RIC1: variants seen among roughly 807,000 people sequenced by gnomAD.
RIC1 encodes RIC1 partner of RAB6A GEF complex.
A neutral mutation model predicts 169.0 loss-of-function variants in RIC1; 88 were observed. The ratio of observed to expected loss-of-function variants is 0.52; its 90% CI spans 0.44 to 0.62. The LOEUF is 0.62. Ranked by LOEUF, RIC1 falls within the 20% of genes least tolerant of loss-of-function variation. The pLI, the probability that RIC1 is intolerant of heterozygous loss-of-function variation, is 0.00. For missense variants in RIC1, 1,877 were observed against 1,725.5 expected, an observed-to-expected ratio of 1.09 and a Z score of -1.56; for synonymous variants, 790 against 601.5, an observed-to-expected ratio of 1.31 and a Z score of -4.59.
At chr9:5,687,801 A>T (rs1183248383) in intron 2 of RIC1, among the ~76,000 whole-genome samples, 2 of 152,196 alleles carry the variant, frequency 1.3e-5, no homozygotes, top group East Asian at 3.8e-4. Flanking sequence ...GAATTTAATT[A>T]AATATTTTTT....
intron 2 of RIC1, among the ~76,000 whole-genome samples, chr9:5,677,373 A>T (rs1335260836): frequency 6.6e-6 from 1 of 151,926 alleles, no homozygotes; most frequent in Non-Finnish European, 1.5e-5. Flanking sequence ...TTTAGATGGG[A>T]TCCTTGATTT....
intron 2 of RIC1, among the ~76,000 whole-genome samples, chr9:5,675,011 C>T (rs1432336473): frequency 6.6e-6 from 1 of 152,140 alleles, no homozygotes; most frequent in Non-Finnish European, 1.5e-5. Context: ...TAATTCTCAG[C>T]AAGGCAGTGT....
intron 2 of RIC1, among the ~76,000 whole-genome samples, chr9:5,687,704 C>T (rs1021911546): frequency 2.6e-5 from 4 of 152,078 alleles, no homozygotes; most frequent in Non-Finnish European, 5.9e-5. Flanking sequence ...TTTTTACACA[C>T]GGTATAAACC....
rs975502763 is a variant in RIC1, at chr9:5,776,454, G to C, written c.*2208G>C. ...GCTGAAACCAAAACAAGTCATTGGG[G>C]GTGTGGGAATAAAATCAACCTTTGC... On this transcript the variant is annotated 3_prime_UTR_variant, in exon 26 of 26. Transcript: ENST00000414202. The C allele has an allele frequency of 6.6e-6, 1 of 151,836 alleles. No individual in the cohort carries two copies. The allele number at this position is 151,836 out of a possible 1,614,324, so 9.4% of individuals were successfully genotyped here.
At position 5,629,127 on chromosome 9, in the gene RIC1, G is replaced by T; in HGVS notation, c.-183G>T. ...CCCCCACACTCGGCCCCGTCAGCTTGGGGGTGCCTTCGTCGCGCAGCCTTG... is the reference window on the plus strand; with the variant it reads ...CCCCCACACTCGGCCCCGTCAGCTTTGGGGTGCCTTCGTCGCGCAGCCTTG... On this transcript the variant is annotated 5_prime_UTR_variant, in exon 1 of 26. Transcript: ENST00000414202. The T allele has an allele frequency of 7.0e-6, 3 of 426,824 alleles. No individual in the cohort carries two copies. Among genetic ancestry groups the T allele is most frequent in the Middle Eastern group, 6.7e-4 (1 of 1,494 alleles). 26.4% of individuals were successfully genotyped at this position (426,824 alleles called of 1,614,324 possible).
chr9:5,710,674 G>A (rs904290960), intron 3 of RIC1, among the ~76,000 whole-genome samples: 1 of 152,122 alleles, frequency 6.6e-6, no homozygotes, highest in African/African-American at 2.4e-5. Context: ...GGAACTTAAA[G>A]TAAACAGATA....
At chr9:5,716,014 T>G (rs1249749952) in intron 4 of RIC1, among the ~76,000 whole-genome samples, 1 of 152,018 alleles carries the variant, frequency 6.6e-6, no homozygotes, top group Non-Finnish European at 1.5e-5. Context: ...GCTAATTTTT[T>G]GTACTTTATT....
At chr9:5,682,550 C>T (rs1049030904) in intron 2 of RIC1, among the ~76,000 whole-genome samples, 2 of 152,116 alleles carry the variant, frequency 1.3e-5, no homozygotes, top group African/African-American at 4.8e-5. Context: ...ATGGGCTTCT[C>T]TTTGTGGGTA....
chr9:5,666,193 G>C (rs1448067729), intron 2 of RIC1, among the ~76,000 whole-genome samples: 1 of 152,346 alleles, frequency 6.6e-6, no homozygotes, highest in South Asian at 2.1e-4. Flanking sequence ...TAAAGAAGCA[G>C]TCTGGCCATG....
intron 3 of RIC1, among the ~76,000 whole-genome samples, chr9:5,692,283 C>G (rs1199611646): frequency 6.6e-6 from 1 of 151,994 alleles, no homozygotes; most frequent in Non-Finnish European, 1.5e-5. Context: ...TTTAATACCA[C>G]CAAAAACTTT....
At chr9:5,675,543 A>G (rs1027699904) in intron 2 of RIC1, among the ~76,000 whole-genome samples, 2 of 152,200 alleles carry the variant, frequency 1.3e-5, no homozygotes, top group East Asian at 1.9e-4. Context: ...TATTTCTTCA[A>G]CTTACGACAA....
At chr9:5,657,419 G>C (rs1819167168) in intron 2 of RIC1, among the ~76,000 whole-genome samples, 1 of 152,052 alleles carries the variant, frequency 6.6e-6, no homozygotes, top group Non-Finnish European at 1.5e-5. Flanking sequence ...TATCCGATGA[G>C]TACAATTGTA....
chr9:5,714,214 A>G (rs1168458858), intron 4 of RIC1, among the ~76,000 whole-genome samples: 1 of 152,180 alleles, frequency 6.6e-6, no homozygotes, highest in African/African-American at 2.4e-5. Context: ...GAATATACCA[A>G]CTATAATCTT....
intron 3 of RIC1, among the ~76,000 whole-genome samples, chr9:5,696,018 T>A (rs943786096): frequency 4.6e-5 from 7 of 152,178 alleles, no homozygotes; most frequent in African/African-American, 1.4e-4. Flanking sequence ...TAATTCTTTG[T>A]TTCTTCCTCT....
intron 23 of RIC1, among the ~76,000 whole-genome samples, chr9:5,770,915 T>C (rs1039799334): frequency 5.9e-5 from 9 of 152,230 alleles, no homozygotes; most frequent in Non-Finnish European, 1.2e-4. Flanking sequence ...TAGGGTTATA[T>C]AGTATAGGAG....
chr9:5,630,353 C>T (rs1205806143), intron 1 of RIC1, among the ~76,000 whole-genome samples: 4 of 152,218 alleles, frequency 2.6e-5, no homozygotes, highest in African/African-American at 9.7e-5. Flanking sequence ...CCAAAGAAGG[C>T]AGTACCAATC....
In RIC1 at chr9:5,709,575, A is replaced by G. The variant is rs535062216; in HGVS notation, c.333-4321A>G. Reference sequence around the variant, plus strand: ...GAACGTTTTGTACACTGTTTCATACATAGTAAATGCTCTATTCCTATTCTC... The same window carrying G: ...GAACGTTTTGTACACTGTTTCATACGTAGTAAATGCTCTATTCCTATTCTC... On this transcript the variant is annotated intron_variant, in intron 3 of 25. Transcript: ENST00000414202. Among the ~76,000 whole-genome samples the G allele has an allele frequency of 5.9e-5, 9 of 152,320 alleles. No homozygotes were observed. In the Middle Eastern group the frequency reaches 0.01, roughly 173 times the overall value.
intron 1 of RIC1, among the ~76,000 whole-genome samples, chr9:5,634,702 A>G (rs889395432): frequency 6.6e-6 from 1 of 151,952 alleles, no homozygotes; most frequent in African/African-American, 2.4e-5. Flanking sequence ...TCTTTACTGT[A>G]CAATAACTTA....
At chr9:5,651,413 C>A (rs1447267861) in intron 1 of RIC1, among the ~76,000 whole-genome samples, 1 of 151,796 alleles carries the variant, frequency 6.6e-6, no homozygotes, top group Admixed American at 6.6e-5. Context: ...ATCTTGAAGC[C>A]CCTCCTCTAT....
Sources: gnomAD v4.1 joint callset for allele counts (sites outside exome capture counted in the v4.1 genomes callset) on GRCh38, gnomAD v4.1.1 for gene constraint, MANE v1.5 for transcripts, NCBI Gene and HGNC (gene_info 2026-07-23, HGNC 2026-07-21) for gene names.